The following EPHA5 variants were observed in gnomAD, a reference collection of about 807,000 sequenced individuals.
EPHA5 encodes the protein EPH receptor A5, also known as ephrin type-A receptor 5.
In EPHA5, 60 loss-of-function variants were observed where a neutral mutation model predicts 105.0. The ratio of observed to expected loss-of-function variants is 0.57; its 90% CI spans 0.46 to 0.71. The LOEUF is 0.71. Ranked by LOEUF, EPHA5 falls within the 30% of genes least tolerant of loss-of-function variation. The pLI, the probability that EPHA5 is intolerant of heterozygous loss-of-function variation, is 0.00. For missense variants in EPHA5, 1,218 were observed against 1,274.7 expected (o/e 0.96, Z 0.68); for synonymous variants, 513 against 449.1 (o/e 1.14, Z -1.80).
At chr4:65,510,422 C>T (rs951736455) in intron 3 of EPHA5, among the ~76,000 whole-genome samples, 1 of 152,108 alleles carries the variant, frequency 6.6e-6, no homozygotes, top group Non-Finnish European at 1.5e-5. Context: ...CTGTTCCTAG[C>T]TCTTCCAGTC....
At chr4:65,377,302 T>C (rs1489753210) in intron 8 of EPHA5, among the ~76,000 whole-genome samples, 4 of 152,122 alleles carry the variant, frequency 2.6e-5, no homozygotes, top group Admixed American at 2.6e-4. Context: ...GGTTATCCAG[T>C]AGGAAATGTC....
intron 16 of EPHA5, among the ~76,000 whole-genome samples, chr4:65,328,995 TATA>T (rs1434901082): frequency 2.0e-5 from 3 of 151,228 alleles, no homozygotes; most frequent in Admixed American, 1.3e-4. Flanking sequence ...ACACAATTGG[TATA>T]ATATTTAAAT....
chr4:65,332,771 T>C (rs1720762697), intron 15 of EPHA5, among the ~76,000 whole-genome samples: 1 of 151,856 alleles, frequency 6.6e-6, no homozygotes, highest in Non-Finnish European at 1.5e-5. Context: ...ACTCTTTGTT[T>C]ATGAAGGTAA....
At chr4:65,472,247 T>G (rs1729360395) in intron 5 of EPHA5, among the ~76,000 whole-genome samples, 1 of 152,148 alleles carries the variant, frequency 6.6e-6, no homozygotes. Context: ...TGGAGCACAC[T>G]GATGCCAAAG....
chr4:65,385,178 T>A (rs1473152291), intron 8 of EPHA5, among the ~76,000 whole-genome samples: 5 of 151,886 alleles, frequency 3.3e-5, no homozygotes, highest in Admixed American at 6.6e-5. Context: ...AATACTCATT[T>A]AATGAAAAAA....
chr4:65,477,187 G>C (rs1232461825), intron 5 of EPHA5, among the ~76,000 whole-genome samples: 1 of 152,174 alleles, frequency 6.6e-6, no homozygotes, highest in Non-Finnish European at 1.5e-5. Context: ...AGCAGAGAAA[G>C]CTTTTCTCAA....
At position 65,583,514 on chromosome 4, in the gene EPHA5, A is replaced by G. The variant is rs544644871; in HGVS notation, c.910+18127T>C. Among the ~76,000 whole-genome samples the G allele has an allele frequency of 5.9e-5, 9 of 151,924 alleles. No individual in the cohort carries two copies. In the South Asian group the frequency reaches 1.2e-3, roughly 21 times the overall value. ...AAAATTCAGTAAAATTAAACATGAC[A>G]ATAGTTTATCAAGGTTTTGTTACAA... On this transcript the variant is annotated intron_variant, in intron 3 of 16. Coordinates refer to ENST00000613740, the MANE Select transcript of EPHA5 (RefSeq NM_001281766.3).
chr4:65,616,423 A>G (rs1300705981), intron 2 of EPHA5, among the ~76,000 whole-genome samples: 2 of 136,124 alleles, frequency 1.5e-5, no homozygotes, highest in African/African-American at 5.5e-5. Context: ...TACAGACTTA[A>G]TGCATACACA....
chr4:65,644,833 AAT>A (rs1253861179), intron 1 of EPHA5, among the ~76,000 whole-genome samples: 1 of 151,974 alleles, frequency 6.6e-6, no homozygotes, highest in East Asian at 1.9e-4. Flanking sequence ...TAGAAAAACA[AAT>A]ATGTTAAATA....
In EPHA5 at chr4:65,414,307, A is replaced by G; in HGVS notation, c.1664T>C (p.Phe555Ser). Residue 555 changes from phenylalanine to serine, a missense_variant, in exon 7 of 17, where the codon TTT becomes TCT. Coordinates refer to ENST00000613740, the MANE Select transcript of EPHA5 (RefSeq NM_001281766.3). ...AAGYGVFSRR[F>S]EFETTPVSVA... Reference sequence around the variant, plus strand: ...ACACACTGGGGTGGTTTCAAACTCAAATCTTCGACTGAAGACACCATAGCC... The same window carrying G: ...ACACACTGGGGTGGTTTCAAACTCAGATCTTCGACTGAAGACACCATAGCC... 2 of 1,613,892 alleles carry G rather than the reference A, an allele frequency of 1.2e-6. No homozygotes were observed. The highest frequency in any genetic ancestry group is 1.7e-6 in the Non-Finnish European group (2 of 1,179,868).
intron 5 of EPHA5, among the ~76,000 whole-genome samples, chr4:65,457,766 T>C (rs940763640): frequency 6.6e-6 from 1 of 152,070 alleles, no homozygotes; most frequent in Non-Finnish European, 1.5e-5. Flanking sequence ...GTAGATATTA[T>C]GGCTAATGCT....
intron 3 of EPHA5, among the ~76,000 whole-genome samples, chr4:65,518,422 C>A (rs1171660248): frequency 1.3e-5 from 2 of 151,780 alleles, no homozygotes; most frequent in Non-Finnish European, 2.9e-5. Flanking sequence ...TATATTCACA[C>A]ACACACACAC....
intron 15 of EPHA5, among the ~76,000 whole-genome samples, chr4:65,334,201 G>A (rs748639565): frequency 6.6e-6 from 1 of 151,820 alleles, no homozygotes; most frequent in Non-Finnish European, 1.5e-5. Context: ...CAAATACTTA[G>A]GTCTATTTGC....
At chr4:65,573,795 C>T in intron 3 of EPHA5, 1 of 1,613,738 alleles carries the variant, frequency 6.2e-7, no homozygotes. Flanking sequence ...TCGCAAAATG[C>T]CTAGATATTA....
chr4:65,331,636 A>ATTTTT (rs1371553770), intron 16 of EPHA5: 2 of 1,080,226 alleles, frequency 1.9e-6, no homozygotes, highest in East Asian at 9.8e-5. Context: ...TTTGTTTTGT[A>ATTTTT]TTTACATTCA....
chr4:65,514,411 G>T (rs1733907528), intron 3 of EPHA5, among the ~76,000 whole-genome samples: 1 of 152,170 alleles, frequency 6.6e-6, no homozygotes. Context: ...GCATCTTGAA[G>T]ATACTCAAGA....
intron 3 of EPHA5, among the ~76,000 whole-genome samples, chr4:65,505,072 A>G (rs1297897992): frequency 1.3e-5 from 2 of 152,058 alleles, no homozygotes; most frequent in Non-Finnish European, 2.9e-5. Context: ...CATTTTAAGT[A>G]TTTGGTTACA....
At chr4:65,402,564 G>A (rs1721952298) in intron 8 of EPHA5, among the ~76,000 whole-genome samples, 1 of 151,948 alleles carries the variant, frequency 6.6e-6, no homozygotes, top group Middle Eastern at 3.2e-3. Flanking sequence ...CAGATTTATT[G>A]GATTCTAGAC....
chr4:65,501,678 G>C (rs190928708), intron 3 of EPHA5, among the ~76,000 whole-genome samples: 1 of 151,410 alleles, frequency 6.6e-6, no homozygotes, highest in Non-Finnish European at 1.5e-5. Context: ...GCCATACTAC[G>C]CAAACCAATG....
Sources: allele counts gnomAD v4.1 joint callset (sites outside exome capture counted in the v4.1 genomes callset), GRCh38; gene constraint gnomAD v4.1.1; transcripts MANE v1.5; gene names NCBI Gene and HGNC (gene_info 2026-07-23, HGNC 2026-07-21).